FERMT2: variants seen among roughly 807,000 people sequenced by gnomAD.
The protein encoded by FERMT2 is FERM domain containing kindlin 2.
In FERMT2, 15 loss-of-function variants were observed where a neutral mutation model predicts 82.7. The ratio of observed to expected loss-of-function variants is 0.18; its 90% CI spans 0.12 to 0.28. FERMT2 has a LOEUF of 0.28. FERMT2 is among the 10% of genes least tolerant of loss of function. The pLI, the probability that FERMT2 is intolerant of heterozygous loss-of-function variation, is 1.00. For missense variants in FERMT2, 645 were observed against 809.4 expected (o/e 0.80, Z 2.46); for synonymous variants, 274 against 271.5 (o/e 1.01, Z -0.09).
intron 4 of FERMT2, 71 bp from the exon 5 acceptor site, chr14:52,881,540 T>A: frequency 8.8e-7 from 1 of 1,138,418 alleles, no homozygotes; most frequent in Non-Finnish European, 1.3e-6. Context: ...ATAACACATA[T>A]TATGATATAA....
At chr14:52,867,726 A>T (rs983358162) in intron 10 of FERMT2, among the ~76,000 whole-genome samples, 3 of 152,052 alleles carry the variant, frequency 2.0e-5, no homozygotes, top group African/African-American at 7.2e-5. Context: ...AAATATCCCC[A>T]AATTAAACTC....
At chr14:52,942,449 C>T (rs1347803510) in intron 2 of FERMT2, among the ~76,000 whole-genome samples, 1 of 151,768 alleles carries the variant, frequency 6.6e-6, no homozygotes, top group East Asian at 1.9e-4. Context: ...ACTACAGGCG[C>T]CCACCACCAC....
At chr14:52,935,554 C>T (rs1209234536) in intron 2 of FERMT2, among the ~76,000 whole-genome samples, 1 of 152,180 alleles carries the variant, frequency 6.6e-6, no homozygotes, top group African/African-American at 2.4e-5. Flanking sequence ...TTCCCTCCTC[C>T]ATGTGAGGAA....
chr14:52,865,097 C>T (rs929387855), intron 10 of FERMT2, among the ~76,000 whole-genome samples: 35 of 152,170 alleles, frequency 2.3e-4, no homozygotes, highest in South Asian at 1.2e-3. Flanking sequence ...CCGAGGCGGG[C>T]GGATCACCTG....
chr14:52,860,006 A>T (rs1338636594), intron 13 of FERMT2: 3 of 264,548 alleles, frequency 1.1e-5, no homozygotes, highest in South Asian at 1.7e-4. Context: ...TTTAGTAGAG[A>T]CAGGGTTTCA....
At chr14:52,947,971 A>G (rs1890440052) in intron 2 of FERMT2, among the ~76,000 whole-genome samples, 1 of 152,224 alleles carries the variant, frequency 6.6e-6, no homozygotes. Flanking sequence ...CGTCCAACAG[A>G]TTAAGAAGGA....
At chr14:52,930,620 T>C (rs1187377937) in intron 2 of FERMT2, among the ~76,000 whole-genome samples, 1 of 152,222 alleles carries the variant, frequency 6.6e-6, no homozygotes, top group African/African-American at 2.4e-5. Context: ...CCTAGTCATC[T>C]TTCCCAGAAT....
intron 10 of FERMT2, chr14:52,871,461 T>C (rs1003297653): frequency 1.8e-4 from 28 of 152,304 alleles, no homozygotes; most frequent in African/African-American, 4.8e-4. Flanking sequence ...GGTGATTTTA[T>C]TGAAAAGTAT....
chr14:52,904,945 C>T (rs1475001932), intron 3 of FERMT2, among the ~76,000 whole-genome samples: 8 of 151,908 alleles, frequency 5.3e-5, no homozygotes, highest in African/African-American at 1.9e-4. Context: ...TTCCCAGCAC[C>T]TTGGGAGGCT....
intron 3 of FERMT2, among the ~76,000 whole-genome samples, chr14:52,902,286 A>G (rs923223051): frequency 2.6e-5 from 4 of 151,926 alleles, no homozygotes; most frequent in Non-Finnish European, 5.9e-5. Flanking sequence ...CCAGTTACTC[A>G]GGAGGCTGAG....
intron 2 of FERMT2, among the ~76,000 whole-genome samples, chr14:52,921,013 G>C (rs1270944383): frequency 6.6e-6 from 1 of 152,022 alleles, no homozygotes. Context: ...CTGAGATAAA[G>C]CTCATTTTAA....
chr14:52,938,312 A>C (rs1399872383), intron 2 of FERMT2, among the ~76,000 whole-genome samples: 1 of 152,260 alleles, frequency 6.6e-6, no homozygotes, highest in East Asian at 1.9e-4. Flanking sequence ...GTTGAAATTT[A>C]TATTTTAAGT....
At chr14:52,948,570 GCTT>G (rs1271041970) in intron 2 of FERMT2, 4 of 455,484 alleles carry the variant, frequency 8.8e-6, no homozygotes, top group Non-Finnish European at 1.8e-5. Context: ...ACCTTGTTGG[GCTT>G]CTTTTCTCTG....
chr14:52,886,408 C>A (rs1886612428), intron 4 of FERMT2, among the ~76,000 whole-genome samples: 1 of 151,970 alleles, frequency 6.6e-6, no homozygotes, highest in Non-Finnish European at 1.5e-5. Context: ...AGTGTGACCA[C>A]CCAGGTTGAA....
At chr14:52,947,998 G>A (rs1043590602) in intron 2 of FERMT2, among the ~76,000 whole-genome samples, 2 of 152,208 alleles carry the variant, frequency 1.3e-5, no homozygotes, top group Non-Finnish European at 2.9e-5. Context: ...ACAGTCTGGA[G>A]TTTGAAAATG....
At chr14:52,879,035 AAAGT>A (rs2140111592) in intron 6 of FERMT2, among the ~76,000 whole-genome samples, 1 of 152,336 alleles carries the variant, frequency 6.6e-6, no homozygotes, top group Admixed American at 6.5e-5. Flanking sequence ...TGATGACATT[AAAGT>A]AAGGCGGAAC....
chr14:52,948,582 T>C, intron 2 of FERMT2: 1 of 455,782 alleles, frequency 2.2e-6, no homozygotes, highest in Non-Finnish European at 4.4e-6. Flanking sequence ...TTCTTTTCTC[T>C]GCATAAAAAA....
At chr14:52,893,985 C>T (rs957782470) in intron 3 of FERMT2, among the ~76,000 whole-genome samples, 23 of 152,092 alleles carry the variant, frequency 1.5e-4, no homozygotes, top group East Asian at 5.8e-4. Context: ...TGTGCCACCA[C>T]GCCTGGCTAA....
chr14:52,942,476 G>A (rs1157335691), intron 2 of FERMT2, among the ~76,000 whole-genome samples: 1 of 151,726 alleles, frequency 6.6e-6, no homozygotes, highest in Non-Finnish European at 1.5e-5. Flanking sequence ...CTAATTTTTT[G>A]TATTTTCAGT....
Sources: allele counts gnomAD v4.1 joint callset (sites outside exome capture counted in the v4.1 genomes callset), GRCh38; gene constraint gnomAD v4.1.1; transcripts MANE v1.5; gene names NCBI Gene and HGNC (gene_info 2026-07-23, HGNC 2026-07-21).